The following TOR1AIP2 variants were observed in gnomAD, a reference collection of about 807,000 sequenced individuals.
TOR1AIP2 encodes torsin 1A interacting protein 2.
In TOR1AIP2, 20 loss-of-function variants were observed where a neutral mutation model predicts 32.6. The ratio of observed to expected loss-of-function variants is 0.61; its 90% confidence interval spans 0.43 to 0.89. TOR1AIP2 has a LOEUF of 0.89. Ranked by LOEUF, TOR1AIP2 falls within the 40% of genes least tolerant of loss-of-function variation. TOR1AIP2 has a pLI of 0.00. For missense variants in TOR1AIP2, 456 were observed against 553.8 expected (o/e 0.82, Z 1.77); for synonymous variants, 214 against 210.8 (o/e 1.02, Z -0.13).
intron 3 of TOR1AIP2, chr1:179,864,024 C>T: frequency 1.0e-6 from 1 of 985,412 alleles, no homozygotes; most frequent in Non-Finnish European, 1.2e-6. Context: ...GGTACTTTTC[C>T]ATTTCCAGGG....
intron 3 of TOR1AIP2, 63 bp from the exon 4 acceptor site, chr1:179,852,874 CAGCTTTATTTAT>C: frequency 8.5e-7 from 1 of 1,182,244 alleles, no homozygotes; most frequent in Non-Finnish European, 1.1e-6. Context: ...ATGCAAGTAT[CAGCTTTATTTAT>C]TAAATATGTG....
chr1:179,859,229 G>A, intron 3 of TOR1AIP2: 1 of 941,504 alleles, frequency 1.1e-6, no homozygotes, highest in Non-Finnish European at 1.3e-6. Context: ...CTTTGTGCCA[G>A]GCATCATTCA....
At chr1:179,862,356 TA>T (rs1696575000) in intron 3 of TOR1AIP2, 1 of 985,284 alleles carries the variant, frequency 1.0e-6, no homozygotes, top group Admixed American at 6.2e-5. Flanking sequence ...TCTCTCAAAG[TA>T]AATTTTCACT....
rs930781248 is a variant in TOR1AIP2, at chr1:179,860,163, T to C, written c.-147+5273A>G. The C allele has an allele frequency of 4.1e-6, 4 of 985,218 alleles. No individual in the cohort carries two copies. The African/African-American group carries it at 5.2e-5, about 13-fold the overall frequency. 61.0% of individuals were successfully genotyped at this position (985,218 alleles called of 1,614,324 possible). A position where few individuals can be genotyped will look rare whatever the true frequency, so the allele number is the denominator to read the frequency against. ...CAATAAGTTTATAATAATTCAGCCA[T>C]CAGTTCAAACAATTGGCTTAGTTCT... On this transcript the variant is annotated intron_variant, in intron 3 of 6. Transcript: ENST00000609928.
chr1:179,876,090 A>T (rs1213014363), intron 2 of TOR1AIP2: 1 of 152,196 alleles, frequency 6.6e-6, no homozygotes, highest in Non-Finnish European at 1.5e-5. Flanking sequence ...TTAGTGAACA[A>T]CCTCAAAGTG....
intron 2 of TOR1AIP2, among the ~76,000 whole-genome samples, chr1:179,872,655 TC>T (rs1404699893): frequency 1.3e-5 from 2 of 152,242 alleles, no homozygotes; most frequent in African/African-American, 4.8e-5. Context: ...ACAGATATTT[TC>T]TGAGTGCAGA....
In TOR1AIP2 at chr1:179,844,929, ACT is replaced by A. The variant is rs1293456326; in HGVS notation, c.*1140_*1141del. On this transcript the variant is annotated 3_prime_UTR_variant, in exon 7 of 7. Coordinates refer to ENST00000609928, the MANE Select transcript of TOR1AIP2 (RefSeq NM_001199260.2). ...TCTGTTCTGCTGAAAGAGTCTACAAACTCTTACCCTAGACAAGTATAAAATTC... is the reference window on the plus strand; with the variant it reads ...TCTGTTCTGCTGAAAGAGTCTACAAACTTACCCTAGACAAGTATAAAATTC... 2 of 152,170 alleles carry A rather than the reference ACT, an allele frequency of 1.3e-5. No homozygotes were observed. The highest frequency in any genetic ancestry group is 2.9e-5 in the Non-Finnish European group (2 of 68,024). 9.4% of individuals were successfully genotyped at this position (152,170 alleles called of 1,614,324 possible).
At chr1:179,863,874 T>A (rs1696658197) in intron 3 of TOR1AIP2, 1 of 985,256 alleles carries the variant, frequency 1.0e-6, no homozygotes, top group Admixed American at 6.2e-5. Flanking sequence ...CAACTCTGGG[T>A]CCATGATTTT....
intron 5 of TOR1AIP2, 55 bp from the exon 6 acceptor site, chr1:179,847,691 T>C: frequency 9.0e-7 from 1 of 1,107,750 alleles, no homozygotes; most frequent in Non-Finnish European, 1.4e-6. Flanking sequence ...TGACAGTATG[T>C]ATACCTTTAT....
At chr1:179,861,657 G>GATCTTC (rs1354585322) in intron 3 of TOR1AIP2, 2 of 985,228 alleles carry the variant, frequency 2.0e-6, no homozygotes, top group African/African-American at 3.5e-5. Context: ...TATTAACAGT[G>GATCTTC]ATCTTCAGTC....
At position 179,864,707 on chromosome 1, in the gene TOR1AIP2, G is replaced by A. The variant is rs1018995134; in HGVS notation, c.-147+729C>T. The A allele has an allele frequency of 6.0e-6, 9 of 1,507,050 alleles. No individual in the cohort carries two copies. The African/African-American group carries it at 8.4e-5, about 14-fold the overall frequency. 93.4% of individuals were successfully genotyped at this position (1,507,050 alleles called of 1,614,324 possible). A position where few individuals can be genotyped will look rare whatever the true frequency, so the allele number is the denominator to read the frequency against. ...GACAATCTGGGTCAGACTTAGAAAT[G>A]AATTATTTTTCCATCTTCCTTGGGC... On this transcript the variant is annotated intron_variant, in intron 3 of 6. Transcript: ENST00000609928.
chr1:179,848,523 A>G (rs530093812), intron 5 of TOR1AIP2, among the ~76,000 whole-genome samples: 19 of 152,320 alleles, frequency 1.2e-4, no homozygotes, highest in African/African-American at 4.3e-4. Context: ...ATCCAGATGT[A>G]GGGAGGGCAT....
chr1:179,843,187 G>C lies in TOR1AIP2; in HGVS notation c.*2884C>G, dbSNP rs568466122. On this transcript the variant is annotated 3_prime_UTR_variant, in exon 7 of 7. Transcript: ENST00000609928. ...GTCATTTTAGTCATGAGAAGACCCA[G>C]AGCTAATATACTGCTTCTTTTAAAA... The C allele has an allele frequency of 6.6e-6, 1 of 151,958 alleles. No homozygotes were observed. The highest frequency in any genetic ancestry group is 2.1e-4 in the South Asian group (1 of 4,818). 9.4% of individuals were successfully genotyped at this position (151,958 alleles called of 1,614,324 possible). A position where few individuals can be genotyped will look rare whatever the true frequency, so the allele number is the denominator to read the frequency against.
At chr1:179,849,606 T>G (rs1571658265) in intron 5 of TOR1AIP2, among the ~76,000 whole-genome samples, 2 of 152,130 alleles carry the variant, frequency 1.3e-5, no homozygotes, top group East Asian at 1.9e-4. Context: ...AGATGGGATC[T>G]CACTAGATTG....
intron 2 of TOR1AIP2, among the ~76,000 whole-genome samples, chr1:179,866,559 C>T (rs575502734): frequency 6.6e-6 from 1 of 152,308 alleles, no homozygotes; most frequent in South Asian, 2.1e-4. Context: ...GTATGTGCCA[C>T]CATGCCCGGC....
At chr1:179,876,043 T>C (rs2148462687) in intron 2 of TOR1AIP2, 1 of 152,322 alleles carries the variant, frequency 6.6e-6, no homozygotes, top group African/African-American at 2.4e-5. Context: ...TTTTGGAAGT[T>C]GTCGAATCTC....
At chr1:179,849,622 G>A (rs895900491) in intron 5 of TOR1AIP2, among the ~76,000 whole-genome samples, 1 of 151,684 alleles carries the variant, frequency 6.6e-6, no homozygotes, top group Non-Finnish European at 1.5e-5. Flanking sequence ...GATTGCCCAG[G>A]CTAGCTAGAA....
intron 3 of TOR1AIP2, chr1:179,861,342 G>A: frequency 5.1e-6 from 5 of 985,374 alleles, no homozygotes; most frequent in Non-Finnish European, 6.0e-6. Context: ...GCCATATGAA[G>A]ACATACTAGA....
intron 3 of TOR1AIP2, chr1:179,864,069 GA>G: frequency 1.0e-6 from 1 of 985,368 alleles, no homozygotes; most frequent in Non-Finnish European, 1.2e-6. Flanking sequence ...ACAAAGACAA[GA>G]CAGTCTTTTG....
Sources: allele counts gnomAD v4.1 joint callset (sites outside exome capture counted in the v4.1 genomes callset), GRCh38; gene constraint gnomAD v4.1.1; transcripts MANE v1.5; gene names NCBI Gene and HGNC (gene_info 2026-07-23, HGNC 2026-07-21).